The following GPC5 variants were observed in gnomAD, a reference collection of about 807,000 sequenced individuals.
GPC5 encodes the protein glypican-5.
In GPC5, 47 loss-of-function variants were observed where a neutral mutation model predicts 53.9. The observed-to-expected ratio is 0.87, with a 90% CI of 0.69 to 1.11. The LOEUF is 1.11. Ranked by LOEUF, GPC5 falls within the 50% of genes most tolerant of loss-of-function variation. The pLI is 0.00. For missense variants in GPC5, 748 were observed against 713.1 expected, an observed-to-expected ratio of 1.05 and a Z score of -0.56; for synonymous variants, 286 against 263.3, an observed-to-expected ratio of 1.09 and a Z score of -0.84.
intron 7 of GPC5, among the ~76,000 whole-genome samples, chr13:92,329,296 G>A (rs2043272755): frequency 6.6e-6 from 1 of 152,140 alleles, no homozygotes; most frequent in South Asian, 2.1e-4. Context: ...TACTCATGGT[G>A]AAAGATGAAG....
In GPC5 at chr13:91,790,058, G is replaced by A. The variant is rs368509515; in HGVS notation, c.1280+33638G>A. On this transcript the variant is annotated intron_variant, in intron 5 of 7. Transcript: ENST00000377067. ...TTAAAGACTTAATCATCTTAAAGGCGCCACCTCCCAACATTGCCACGTTGA... is the reference window on the plus strand; with the variant it reads ...TTAAAGACTTAATCATCTTAAAGGCACCACCTCCCAACATTGCCACGTTGA... Among the ~76,000 whole-genome samples the A allele has an allele frequency of 3.0e-4, 46 of 152,268 alleles. No homozygotes were observed. The East Asian group carries it at 3.9e-3, about 13-fold the overall frequency.
chr13:91,708,313 C>CT (rs1594459515), intron 3 of GPC5, among the ~76,000 whole-genome samples: 1 of 151,274 alleles, frequency 6.6e-6, no homozygotes, highest in Admixed American at 6.6e-5. Context: ...ACTGTATACT[C>CT]TGAGTTGGGT....
At chr13:92,801,833 G>T (rs1876919383) in intron 7 of GPC5, among the ~76,000 whole-genome samples, 1 of 151,632 alleles carries the variant, frequency 6.6e-6, no homozygotes, top group African/African-American at 2.4e-5. Context: ...GGATATAAAG[G>T]AAATATTTTG....
At chr13:91,759,452 T>C (rs2037364319) in intron 5 of GPC5, among the ~76,000 whole-genome samples, 1 of 152,148 alleles carries the variant, frequency 6.6e-6, no homozygotes, top group South Asian at 2.1e-4. Context: ...TGTTGTGCTA[T>C]CTAATACTAG....
chr13:91,964,847 T>G (rs1258702736), intron 6 of GPC5, among the ~76,000 whole-genome samples: 1 of 151,958 alleles, frequency 6.6e-6, no homozygotes, highest in Non-Finnish European at 1.5e-5. Flanking sequence ...TGTCCATCAG[T>G]GATAGACTGT....
intron 7 of GPC5, among the ~76,000 whole-genome samples, chr13:92,362,762 T>C (rs1310326352): frequency 6.6e-6 from 1 of 151,748 alleles, no homozygotes; most frequent in African/African-American, 2.4e-5. Context: ...TTTGCCCAAT[T>C]TTACACTTCT....
At chr13:92,338,736 G>C (rs530059964) in intron 7 of GPC5, among the ~76,000 whole-genome samples, 29 of 152,160 alleles carry the variant, frequency 1.9e-4, no homozygotes, top group Admixed American at 3.9e-4. Flanking sequence ...AGAGGTTGGG[G>C]AGCAGGAGGG....
intron 5 of GPC5, among the ~76,000 whole-genome samples, chr13:91,784,469 A>C (rs1452221950): frequency 6.6e-6 from 1 of 152,136 alleles, no homozygotes; most frequent in Non-Finnish European, 1.5e-5. Flanking sequence ...TCACACCTGT[A>C]ATCCCAGCAC....
At chr13:91,584,667 C>T (rs2032493498) in intron 2 of GPC5, among the ~76,000 whole-genome samples, 2 of 152,078 alleles carry the variant, frequency 1.3e-5, no homozygotes, top group Non-Finnish European at 2.9e-5. Context: ...TAACCTCCAC[C>T]TCCTGGGTTC....
chr13:92,196,073 A>G (rs1196858431), intron 7 of GPC5, among the ~76,000 whole-genome samples: 2 of 152,212 alleles, frequency 1.3e-5, no homozygotes, highest in Non-Finnish European at 2.9e-5. Flanking sequence ...AAAACTAATT[A>G]AAGTTAATTT....
At chr13:91,818,547 A>G (rs554369611) in intron 5 of GPC5, among the ~76,000 whole-genome samples, 16 of 152,274 alleles carry the variant, frequency 1.1e-4, no homozygotes, top group African/African-American at 3.6e-4. Context: ...TTAGTATTCA[A>G]TGGAGAAAAA....
intron 7 of GPC5, among the ~76,000 whole-genome samples, chr13:92,357,638 G>A (rs983343057): frequency 1.3e-5 from 2 of 151,614 alleles, no homozygotes; most frequent in African/African-American, 4.9e-5. Flanking sequence ...GGTTCTGAAG[G>A]CTGTATAGGA....
chr13:92,746,301 C>A (rs1265268222), intron 7 of GPC5, among the ~76,000 whole-genome samples: 1 of 152,224 alleles, frequency 6.6e-6, no homozygotes, highest in Middle Eastern at 3.4e-3. Flanking sequence ...CAAAGCCAAC[C>A]AACTTCAAAA....
At chr13:91,424,556 G>A (rs971022974) in intron 1 of GPC5, among the ~76,000 whole-genome samples, 14 of 151,834 alleles carry the variant, frequency 9.2e-5, no homozygotes, top group African/African-American at 3.1e-4. Context: ...AAGTAGAGAC[G>A]GGGTTTCATC....
At chr13:91,714,096 T>C (rs1343030532) in intron 3 of GPC5, among the ~76,000 whole-genome samples, 1 of 152,202 alleles carries the variant, frequency 6.6e-6, no homozygotes, top group Non-Finnish European at 1.5e-5. Context: ...TTAATTTCTT[T>C]AATATAATCA....
chr13:92,744,643 T>C (rs1889196782), intron 7 of GPC5, among the ~76,000 whole-genome samples: 1 of 151,858 alleles, frequency 6.6e-6, no homozygotes, highest in Admixed American at 6.6e-5. Flanking sequence ...GTTTAGAAAC[T>C]GAAAGTAATA....
chr13:92,244,962 C>A (rs931882060), intron 7 of GPC5, among the ~76,000 whole-genome samples: 6 of 148,898 alleles, frequency 4.0e-5, no homozygotes, highest in African/African-American at 1.5e-4. Context: ...TGCTTGAACC[C>A]GGGAGGTGGA....
chr13:91,719,710 G>A (rs2036423089), intron 3 of GPC5, among the ~76,000 whole-genome samples: 3 of 152,196 alleles, frequency 2.0e-5, no homozygotes, highest in African/African-American at 4.8e-5. Flanking sequence ...ATATAAAAAG[G>A]GGTGATGGAC....
intron 7 of GPC5, among the ~76,000 whole-genome samples, chr13:92,669,470 C>A (rs1405418333): frequency 1.3e-5 from 2 of 152,098 alleles, no homozygotes; most frequent in Non-Finnish European, 2.9e-5. Flanking sequence ...TTATATTATT[C>A]TTGACAGATG....
Sources: allele counts gnomAD v4.1 joint callset (sites outside exome capture counted in the v4.1 genomes callset), GRCh38; gene constraint gnomAD v4.1.1; transcripts MANE v1.5; gene names NCBI Gene and HGNC (gene_info 2026-07-23, HGNC 2026-07-21).